The following RPS6KC1 variants were observed in gnomAD, a reference collection of about 807,000 sequenced individuals.
RPS6KC1 encodes the protein ribosomal protein S6 kinase C1, also known as inactive ribosomal protein S6 kinase delta-1.
In RPS6KC1, 54 loss-of-function variants were observed where a neutral mutation model predicts 103.8. That is an observed-to-expected ratio of 0.52 (90% CI 0.42 to 0.65). The LOEUF (loss-of-function observed/expected upper bound fraction) is 0.65. Among genes scored for constraint, RPS6KC1 ranks in the 30% least tolerant of loss-of-function variants. The pLI, the probability that RPS6KC1 is intolerant of heterozygous loss-of-function variation, is 0.00. For synonymous variants in RPS6KC1, 439 were observed against 438.7 expected, an observed-to-expected ratio of 1.00 and a Z score of -0.01; for missense variants, 1,151 against 1,253.8, an observed-to-expected ratio of 0.92 and a Z score of 1.24.
chr1:213,232,017 G>GTAAC, intron 9 of RPS6KC1, 106 bp from the exon 10 acceptor site: 1 of 1,405,374 alleles, frequency 7.1e-7, no homozygotes, highest in South Asian at 1.3e-5. Flanking sequence ...GAAGCCCAGA[G>GTAAC]TAACTCGGAT....
chr1:213,054,585 T>G (rs2077188127), intron 1 of RPS6KC1, among the ~76,000 whole-genome samples: 1 of 152,232 alleles, frequency 6.6e-6, no homozygotes, highest in Non-Finnish European at 1.5e-5. Flanking sequence ...AACAATTTTC[T>G]ATATTTTTGA....
the RPS6KC1 span, among the ~76,000 whole-genome samples, chr1:213,589,938 G>GGGGTGT: frequency 6.5e-4 from 86 of 132,826 alleles, no homozygotes; most frequent in African/African-American, 2.6e-3. Context: ...AAAAGGTAGT[G>GGGGTGT]GTGTGTGTGT....
the RPS6KC1 span, among the ~76,000 whole-genome samples, chr1:213,310,381 ATC>A: frequency 6.6e-6 from 1 of 151,988 alleles, no homozygotes; most frequent in Admixed American, 6.6e-5. Context: ...CGCTCCAGGC[ATC>A]TGTCTCTTTT....
At chr1:213,068,509 A>T (rs981204310) in intron 1 of RPS6KC1, among the ~76,000 whole-genome samples, 1 of 149,988 alleles carries the variant, frequency 6.7e-6, no homozygotes, top group African/African-American at 2.4e-5. Flanking sequence ...AAAAAAAAAA[A>T]GAAACACTTA....
chr1:213,147,601 C>T (rs1463916064), intron 6 of RPS6KC1, among the ~76,000 whole-genome samples: 2 of 152,092 alleles, frequency 1.3e-5, no homozygotes, highest in Non-Finnish European at 2.9e-5. Context: ...TACAATGGCT[C>T]TGTAGCATAA....
At chr1:213,288,393 A>G in the RPS6KC1 span, among the ~76,000 whole-genome samples, 1 of 152,230 alleles carries the variant, frequency 6.6e-6, no homozygotes, top group African/African-American at 2.4e-5. Context: ...AGCACTTTCC[A>G]TAGACTAGAC....
the RPS6KC1 span, among the ~76,000 whole-genome samples, chr1:213,633,420 A>C: frequency 2.0e-5 from 3 of 152,220 alleles, no homozygotes; most frequent in African/African-American, 7.2e-5. Flanking sequence ...AAGAATTTTC[A>C]ACCCAGAATT....
At chr1:213,646,875 G>T in the RPS6KC1 span, among the ~76,000 whole-genome samples, 4 of 113,556 alleles carry the variant, frequency 3.5e-5, no homozygotes, top group African/African-American at 1.4e-4. Context: ...ATATATATGT[G>T]TGTATGCATA....
At chr1:213,525,009 C>T in the RPS6KC1 span, among the ~76,000 whole-genome samples, 722 of 152,222 alleles carry the variant, frequency 4.7e-3, 7 homozygotes, top group African/African-American at 9.9e-3. Context: ...CCTACAGAGT[C>T]GTTAGGAAGA....
intron 11 of RPS6KC1, 108 bp downstream of exon 11, chr1:213,242,405 A>AC: frequency 7.5e-7 from 1 of 1,341,492 alleles, no homozygotes; most frequent in Non-Finnish European, 1.1e-6. Flanking sequence ...CTAGAGCTTC[A>AC]TTATCAGTGC....
At chr1:213,724,592 C>T in the RPS6KC1 span, among the ~76,000 whole-genome samples, 4 of 152,094 alleles carry the variant, frequency 2.6e-5, no homozygotes, top group African/African-American at 9.7e-5. Context: ...CACAGTTATC[C>T]TCATGAACAA....
At chr1:213,697,001 C>T in the RPS6KC1 span, among the ~76,000 whole-genome samples, 1 of 152,236 alleles carries the variant, frequency 6.6e-6, no homozygotes, top group Non-Finnish European at 1.5e-5. Flanking sequence ...GACCCACTGG[C>T]TATAAACTGG....
intron 1 of RPS6KC1, among the ~76,000 whole-genome samples, chr1:213,061,308 T>TA (rs980840122): frequency 6.6e-6 from 1 of 152,248 alleles, no homozygotes; most frequent in African/African-American, 2.4e-5. Flanking sequence ...CCCATTGACT[T>TA]ATCTATCTTA....
At chr1:213,346,491 A>G in the RPS6KC1 span, among the ~76,000 whole-genome samples, 3 of 152,220 alleles carry the variant, frequency 2.0e-5, no homozygotes, top group Non-Finnish European at 4.4e-5. Context: ...GAAGATACAG[A>G]AGTATAAGAA....
chr1:213,155,064 G>A (rs1045449643), intron 6 of RPS6KC1, among the ~76,000 whole-genome samples: 1 of 152,200 alleles, frequency 6.6e-6, no homozygotes, highest in Non-Finnish European at 1.5e-5. Context: ...CTAGGACCTG[G>A]AATAGGGACC....
At chr1:213,358,645 C>T in the RPS6KC1 span, among the ~76,000 whole-genome samples, 2 of 152,184 alleles carry the variant, frequency 1.3e-5, no homozygotes, top group African/African-American at 2.4e-5. Context: ...CAGTTCTGCT[C>T]TGATCTTAGT....
At chr1:213,403,292 C>T in the RPS6KC1 span, among the ~76,000 whole-genome samples, 6 of 152,158 alleles carry the variant, frequency 3.9e-5, no homozygotes, top group Admixed American at 3.3e-4. Context: ...GGGAGTCCTG[C>T]TGGGAGACAG....
At chr1:213,509,180 C>A in the RPS6KC1 span, among the ~76,000 whole-genome samples, 2 of 152,248 alleles carry the variant, frequency 1.3e-5, no homozygotes, top group Admixed American at 6.5e-5. Context: ...CTGTCCTGGG[C>A]AAGCCAGTAC....
At chr1:213,767,919 G>A in the RPS6KC1 span, among the ~76,000 whole-genome samples, 1 of 152,116 alleles carries the variant, frequency 6.6e-6, no homozygotes, top group South Asian at 2.1e-4. Flanking sequence ...TACTGGTCAC[G>A]CCGCAAGCAT....
Sources: gnomAD v4.1 joint callset for allele counts (sites outside exome capture counted in the v4.1 genomes callset) on GRCh38, gnomAD v4.1.1 for gene constraint, MANE v1.5 for transcripts, NCBI Gene and HGNC (gene_info 2026-07-23, HGNC 2026-07-21) for gene names.